Variants in PDE11A observed in about 807,000 individuals in gnomAD.
PDE11A encodes phosphodiesterase 11A.
Under a neutral mutation model 100.5 loss-of-function variants are expected in PDE11A, and 100 were observed. That is an observed-to-expected ratio of 1.00 (90% CI 0.85 to 1.18). The LOEUF (loss-of-function observed/expected upper bound fraction) is 1.18. Ranked by LOEUF, PDE11A falls within the 50% of genes most tolerant of loss-of-function variation. PDE11A has a pLI of 0.00. For synonymous variants in PDE11A, 381 were observed against 420.8 expected, an observed-to-expected ratio of 0.91 and a Z score of 1.16; for missense variants, 1,141 against 1,152.6, an observed-to-expected ratio of 0.99 and a Z score of 0.15.
At chr2:177,851,302 C>T (rs13423344) in intron 5 of PDE11A, among the ~76,000 whole-genome samples, 9,481 of 151,874 alleles carry the variant, frequency 0.062, 310 homozygotes, top group South Asian at 0.09. Context: ...AACCAAACAC[C>T]GCATGTTCTC....
At chr2:177,926,600 G>T (rs1338799849) in intron 2 of PDE11A, among the ~76,000 whole-genome samples, 2 of 150,804 alleles carry the variant, frequency 1.3e-5, no homozygotes, top group African/African-American at 2.4e-5. Context: ...AGATTTTAAG[G>T]TTTGAAAGGT....
At chr2:177,899,902 A>T (rs2084671010) in intron 3 of PDE11A, among the ~76,000 whole-genome samples, 1 of 150,656 alleles carries the variant, frequency 6.6e-6, no homozygotes, top group Admixed American at 6.6e-5. Flanking sequence ...AAACACATTA[A>T]TTTTTTTTTA....
chr2:177,870,035 A>G (rs1436953492), intron 5 of PDE11A, among the ~76,000 whole-genome samples: 1 of 152,206 alleles, frequency 6.6e-6, no homozygotes, highest in Non-Finnish European at 1.5e-5. Flanking sequence ...TAGTTATATC[A>G]GCCTCTTGTT....
At chr2:178,032,968 CA>C (rs1338305307) in intron 1 of PDE11A, among the ~76,000 whole-genome samples, 1 of 152,126 alleles carries the variant, frequency 6.6e-6, no homozygotes, top group Non-Finnish European at 1.5e-5. Context: ...ACTGAAAATT[CA>C]AAAAACCAGA....
chr2:178,084,930 C>T (rs1184513463), intron 2 of PDE11A, among the ~76,000 whole-genome samples: 1 of 152,166 alleles, frequency 6.6e-6, no homozygotes, highest in African/African-American at 2.4e-5. Context: ...ATGTATGCCA[C>T]ATCTAAGCAG....
Position 177,941,065 on chromosome 2 carries a change from A to C in PDE11A, c.1072-35878T>G, listed in dbSNP as rs547803491. 7.9e-5 allele frequency among the ~76,000 whole-genome samples: 12 copies of C among 152,266 alleles called. No homozygotes were observed. In the South Asian group the frequency reaches 2.5e-3, roughly 32 times the overall value. ...TCCCAGCTGAACTCCAGGTAATGAA[A>C]GCGCCTTTCTCAGCTTTCCTGCCAG... On this transcript the variant is annotated intron_variant, in intron 2 of 19. Coordinates refer to ENST00000286063, the MANE Select transcript of PDE11A (RefSeq NM_016953.4).
intron 1 of PDE11A, among the ~76,000 whole-genome samples, chr2:178,056,294 C>T (rs769972182): frequency 1.3e-5 from 2 of 152,098 alleles, no homozygotes; most frequent in Non-Finnish European, 2.9e-5. Flanking sequence ...GGGACATTCA[C>T]CATCAGGAAC....
chr2:177,907,917 T>C (rs181541307), intron 2 of PDE11A, among the ~76,000 whole-genome samples: 1 of 152,336 alleles, frequency 6.6e-6, no homozygotes, highest in Admixed American at 6.5e-5. Context: ...TTGTGAGTAA[T>C]AAACTGTTTT....
At chr2:177,834,778 T>C (rs889680996) in intron 6 of PDE11A, among the ~76,000 whole-genome samples, 1 of 152,208 alleles carries the variant, frequency 6.6e-6, no homozygotes, top group Non-Finnish European at 1.5e-5. Context: ...AGCTTTTTTT[T>C]CTTCCTTTTC....
Position 177,936,331 on chromosome 2 carries a change from C to G in PDE11A, c.1072-31144G>C, listed in dbSNP as rs368250383. On this transcript the variant is annotated intron_variant, in intron 2 of 19. Transcript: ENST00000286063. ...GTGTGACAATGTCAGAATTGCAGCCCATCATTTCACATTCTGCGAGTGACA... is the reference window on the plus strand; with the variant it reads ...GTGTGACAATGTCAGAATTGCAGCCGATCATTTCACATTCTGCGAGTGACA... Among the ~76,000 whole-genome samples, 4 of 152,196 alleles carry G rather than the reference C, an allele frequency of 2.6e-5. No homozygotes were observed. The East Asian group carries it at 5.8e-4, about 22-fold the overall frequency.
At chr2:177,789,602 C>G (rs939786119) in intron 9 of PDE11A, among the ~76,000 whole-genome samples, 1 of 151,740 alleles carries the variant, frequency 6.6e-6, no homozygotes, top group Non-Finnish European at 1.5e-5. Flanking sequence ...TCAAATTGTC[C>G]CTGTTTGCAG....
At chr2:177,904,487 A>C (rs186203254) in intron 3 of PDE11A, among the ~76,000 whole-genome samples, 2 of 151,726 alleles carry the variant, frequency 1.3e-5, no homozygotes, top group Non-Finnish European at 2.9e-5. Flanking sequence ...AAATTGTGTT[A>C]TTGCTTCAAA....
intron 3 of PDE11A, among the ~76,000 whole-genome samples, chr2:177,899,271 A>G (rs188450526): frequency 2.0e-5 from 3 of 152,150 alleles, no homozygotes; most frequent in African/African-American, 7.2e-5. Flanking sequence ...TTAGCCAGGC[A>G]TGGTGGCATG....
At chr2:177,795,139 G>T (rs1349468702) in intron 9 of PDE11A, among the ~76,000 whole-genome samples, 2 of 152,180 alleles carry the variant, frequency 1.3e-5, no homozygotes, top group Admixed American at 1.3e-4. Context: ...CATTCTACGG[G>T]ATGAATTTAA....
At chr2:177,866,741 C>T (rs754396738) in intron 5 of PDE11A, among the ~76,000 whole-genome samples, 1 of 152,190 alleles carries the variant, frequency 6.6e-6, no homozygotes, top group Non-Finnish European at 1.5e-5. Flanking sequence ...AAACTACTCT[C>T]CAAGGTGCCT....
chr2:177,802,798 T>C (rs1344141204), intron 9 of PDE11A, among the ~76,000 whole-genome samples: 1 of 151,972 alleles, frequency 6.6e-6, no homozygotes, highest in Non-Finnish European at 1.5e-5. Flanking sequence ...AGCTAATACA[T>C]TTTGGGGCAT....
intron 19 of PDE11A, among the ~76,000 whole-genome samples, chr2:177,644,258 G>A (rs1037601768): frequency 6.6e-6 from 1 of 152,248 alleles, no homozygotes; most frequent in Non-Finnish European, 1.5e-5. Context: ...CTGGGAGGGA[G>A]GCTGTACCCT....
chr2:178,069,111 CATT>C (rs980793637), intron 1 of PDE11A, among the ~76,000 whole-genome samples: 1 of 152,160 alleles, frequency 6.6e-6, no homozygotes, highest in Non-Finnish European at 1.5e-5. Flanking sequence ...TAGGTATCAT[CATT>C]ATCTTCATAA....
chr2:177,814,053 G>C (rs571289874), intron 9 of PDE11A, among the ~76,000 whole-genome samples: 1 of 152,140 alleles, frequency 6.6e-6, no homozygotes, highest in South Asian at 2.1e-4. Context: ...CAGAAAGAAG[G>C]GATAGGAATG....
Sources: gnomAD v4.1 joint callset for allele counts (sites outside exome capture counted in the v4.1 genomes callset) on GRCh38, gnomAD v4.1.1 for gene constraint, MANE v1.5 for transcripts, NCBI Gene and HGNC (gene_info 2026-07-23, HGNC 2026-07-21) for gene names.